PFKM: variants seen among roughly 807,000 people sequenced by gnomAD.
The protein encoded by PFKM is ATP-dependent 6-phosphofructokinase, muscle type.
PFKM carries 58 observed loss-of-function variants against 95.5 expected under a neutral mutation model. That is an observed-to-expected ratio of 0.61 (90% CI 0.49 to 0.76). PFKM has a LOEUF of 0.76. Among genes scored for constraint, PFKM ranks in the 30% least tolerant of loss-of-function variants. PFKM has a pLI of 0.00. For synonymous variants in PFKM, 336 were observed against 357.2 expected (o/e 0.94, Z 0.67); for missense variants, 678 against 1,005.4 (o/e 0.67, Z 4.40).
rs183380210 is a variant in PFKM at position 48,139,984 on chromosome 12, A to T, written c.1191+72A>T. On this transcript the variant is annotated intron_variant, in intron 13 of 22. Coordinates refer to ENST00000359794, the MANE Select transcript of PFKM (RefSeq NM_000289.6). Reference sequence around the variant, plus strand: ...CCAGTCTCTCTTCATAAATGCTACCACAGTCCATACAACATAAGCCTTGCC... The same window carrying T: ...CCAGTCTCTCTTCATAAATGCTACCTCAGTCCATACAACATAAGCCTTGCC... 150 of 971,204 alleles carry T rather than the reference A, an allele frequency of 1.5e-4. 2 individuals are homozygous for T. In the East Asian group the frequency reaches 2.2e-3, roughly 14 times the overall value. 60.2% of individuals were successfully genotyped at this position (971,204 alleles called of 1,614,324 possible).
rs1950624537 is a variant in PFKM, at chr12:48,142,080, A to G, written c.1653+14A>G. The G allele has an allele frequency of 6.2e-7, 1 of 1,613,234 alleles. No homozygotes were observed. Reference sequence around the variant, plus strand: ...ACTATCTGCACAGTGAGAGCCTATCACCACTTCCCATCCCTTTTGGCCAGG... The same window carrying G: ...ACTATCTGCACAGTGAGAGCCTATCGCCACTTCCCATCCCTTTTGGCCAGG... On this transcript the variant is annotated intron_variant, in intron 17 of 22. Coordinates refer to ENST00000359794, the MANE Select transcript of PFKM (RefSeq NM_000289.6).
chr12:48,133,372 T>G lies in PFKM; in HGVS notation c.485T>G (p.Val162Gly), dbSNP rs1246721865. 5.0e-6 allele frequency: 8 copies of G among 1,613,822 alleles called. No homozygotes were observed. Among genetic ancestry groups the G allele is most frequent in the African/African-American group, 2.7e-5 (2 of 74,910 alleles). Residue 162 changes from valine (V) to glycine (G), a missense_variant, in exon 6 of 23, where the codon GTT becomes GGT. Physicochemically the swap from Val to Gly is moderately radical, Grantham distance 109. Transcript: ENST00000359794. ...AGCTACCTGAACATTGTGGGCCTGG[T>G]TGGGTCAATTGACAATGACTTCTGT... is the stretch of plus-strand genomic sequence containing the variant. Reference protein sequence around the residue: ...KSSYLNIVGLVGSIDNDFCGT... With the variant: ...KSSYLNIVGLGGSIDNDFCGT...
At chr12:48,130,255 AAAT>A (rs1459939858) in intron 2 of PFKM, 105 bp from the exon 3 acceptor site, 1 of 806,470 alleles carries the variant, frequency 1.2e-6, no homozygotes, top group African/African-American at 1.7e-5. Context: ...AGAAAAGACT[AAAT>A]AAAGTACTGA....
At chr12:48,141,185 C>T in intron 14 of PFKM, 126 bp from the exon 15 acceptor site, 2 of 890,254 alleles carry the variant, frequency 2.2e-6, no homozygotes, top group South Asian at 2.7e-5. Flanking sequence ...AAAGCTAATA[C>T]CTGGTGTACC....
intron 19 of PFKM, 38 bp downstream of exon 19, chr12:48,143,852 A>C (rs1736752728): frequency 6.6e-7 from 1 of 1,522,200 alleles, no homozygotes; most frequent in African/African-American, 1.4e-5. Context: ...TGAAGAAGAA[A>C]AATAAGCTTT....
rs371033104 is a variant in PFKM at position 48,139,279 on chromosome 12, C to G, written c.1063-6C>G. On this transcript the variant is annotated splice_polypyrimidine_tract_variant and splice_region_variant and intron_variant, in intron 11 of 22. Coordinates refer to ENST00000359794, the MANE Select transcript of PFKM (RefSeq NM_000289.6). ...AGTTGAAACTGTCGCTGTGCTCCCCCCTCAGACCAAAGATGTGACCAAGGC... is the reference window on the plus strand; with the variant it reads ...AGTTGAAACTGTCGCTGTGCTCCCCGCTCAGACCAAAGATGTGACCAAGGC... 79 of 1,612,514 alleles carry G rather than the reference C, an allele frequency of 4.9e-5. No homozygotes were observed. Among genetic ancestry groups the G allele is most frequent in the Admixed American group, 2.8e-4 (17 of 59,990 alleles).
At chr12:48,107,523 G>T in intron 2 of PFKM, 1 of 998,208 alleles carries the variant, frequency 1.0e-6, no homozygotes, top group Non-Finnish European at 1.6e-6. Context: ...TCTAAATACA[G>T]GATGTGAGGC....
chr12:48,107,515 T>C, intron 2 of PFKM: 1 of 1,096,198 alleles, frequency 9.1e-7, no homozygotes, highest in Admixed American at 1.7e-5. Context: ...ACAAGAAGTC[T>C]AAATACAGGA....
chr12:48,126,490 A>T (rs1247821953), intron 2 of PFKM, among the ~76,000 whole-genome samples: 1 of 152,110 alleles, frequency 6.6e-6, no homozygotes, highest in African/African-American at 2.4e-5. Context: ...GCAGAGGGAG[A>T]AGAGAATTTC....
rs570346968 is a variant in PFKM, at chr12:48,122,923, C to A, written c.85+64C>A. 7.1e-5 allele frequency: 104 copies of A among 1,464,960 alleles called. No homozygotes were observed. The East Asian group carries it at 2.3e-3, about 32-fold the overall frequency. 90.7% of individuals were successfully genotyped at this position (1,464,960 alleles called of 1,614,324 possible). On this transcript the variant is annotated intron_variant, in intron 2 of 22. Transcript: ENST00000359794. The stretch of plus-strand genomic sequence containing the variant: ...TTTGGAATTTACTGACTCCCTTAGC[C>A]TATACAATAGAATTATTCTTCTGTA...
Position 48,140,037 on chromosome 12 carries a change from G to A in PFKM, c.1191+125G>A. 3 of 699,912 alleles carry A rather than the reference G, an allele frequency of 4.3e-6. No individual in the cohort carries two copies. The South Asian group carries it at 4.6e-5, about 11-fold the overall frequency. The allele number at this position is 699,912 out of a possible 1,614,324, so 43.4% of individuals were successfully genotyped here. On this transcript the variant is annotated intron_variant, in intron 13 of 22. Coordinates refer to ENST00000359794, the MANE Select transcript of PFKM (RefSeq NM_000289.6). Reference sequence around the variant, plus strand: ...CTTCTCTGCCCCACTCTGATCTTCAGTGCTGGGTCCCTGGCCCTATTATAA... The same window carrying A: ...CTTCTCTGCCCCACTCTGATCTTCAATGCTGGGTCCCTGGCCCTATTATAA...
intron 12 of PFKM, 64 bp from the exon 13 acceptor site, chr12:48,139,785 C>G: frequency 9.1e-7 from 1 of 1,099,820 alleles, no homozygotes; most frequent in Non-Finnish European, 1.4e-6. Context: ...AGACCAGGAT[C>G]TCCATGGCTG....
chr12:48,135,255 G>A (rs376659819), intron 9 of PFKM, 36 bp from the exon 10 acceptor site: 48 of 1,541,676 alleles, frequency 3.1e-5, no homozygotes, highest in Middle Eastern at 3.4e-4. Context: ...TTGACTCTGC[G>A]TAACCCTCTC....
chr12:48,105,466 A>AG, upstream of PFKM: 1 of 519,076 alleles, frequency 1.9e-6, no homozygotes. Context: ...CCTGAGCAGG[A>AG]GGGTCCAGAC....
upstream of PFKM, among the ~76,000 whole-genome samples, chr12:48,116,632 C>T (rs1280915170): frequency 1.3e-5 from 2 of 152,130 alleles, no homozygotes; most frequent in Non-Finnish European, 2.9e-5. Flanking sequence ...GCATGTGCCA[C>T]CACACCTGGC....
chr12:48,142,139 A>G, intron 17 of PFKM, 73 bp downstream of exon 17: 2 of 1,367,678 alleles, frequency 1.5e-6, no homozygotes, highest in South Asian at 2.3e-5. Context: ...GGTCCCAAAC[A>G]GTGAGCTACT....
upstream of PFKM, among the ~76,000 whole-genome samples, chr12:48,118,022 A>T (rs1351275754): frequency 6.6e-6 from 1 of 152,206 alleles, no homozygotes; most frequent in Non-Finnish European, 1.5e-5. Flanking sequence ...ATCTGTGAGG[A>T]CCAAGGTTTT....
intron 2 of PFKM, among the ~76,000 whole-genome samples, chr12:48,123,473 G>C (rs572051355): frequency 1.3e-5 from 2 of 152,222 alleles, no homozygotes; most frequent in East Asian, 3.9e-4. Flanking sequence ...AGAAACCTGG[G>C]AGTCACGAAA....
intron 1 of PFKM, 39 bp from the exon 2 acceptor site, chr12:48,122,728 T>A (rs1239359019): frequency 1.2e-6 from 2 of 1,613,468 alleles, no homozygotes. Flanking sequence ...GCATCTTGAT[T>A]CCTGCTGTGT....
Sources: allele counts gnomAD v4.1 joint callset (sites outside exome capture counted in the v4.1 genomes callset), GRCh38; gene constraint gnomAD v4.1.1; transcripts MANE v1.5; gene names NCBI Gene and HGNC (gene_info 2026-07-23, HGNC 2026-07-21).